SH3RF3: variants seen among roughly 807,000 people sequenced by gnomAD.
SH3RF3 encodes E3 ubiquitin-protein ligase SH3RF3.
A neutral mutation model predicts 66.3 loss-of-function variants in SH3RF3; 29 were observed. The ratio of observed to expected loss-of-function variants is 0.44; its 90% CI spans 0.33 to 0.60. The LOEUF is 0.60. Among genes scored for constraint, SH3RF3 ranks in the 20% least tolerant of loss-of-function variants. The pLI, the probability that SH3RF3 is intolerant of heterozygous loss-of-function variation, is 0.04. For synonymous variants in SH3RF3, 583 were observed against 532.0 expected, an observed-to-expected ratio of 1.10 and a Z score of -1.32; for missense variants, 1,194 against 1,190.9, an observed-to-expected ratio of 1.00 and a Z score of -0.04.
chr2:109,242,618 C>T (rs572012751), intron 1 of SH3RF3, among the ~76,000 whole-genome samples: 2 of 152,238 alleles, frequency 1.3e-5, no homozygotes, highest in Non-Finnish European at 2.9e-5. Context: ...TTGACTTTTC[C>T]TTACTGGGCT....
chr2:109,346,755 C>A (rs1008673919), intron 1 of SH3RF3, among the ~76,000 whole-genome samples: 1 of 152,156 alleles, frequency 6.6e-6, no homozygotes, highest in Non-Finnish European at 1.5e-5. Flanking sequence ...GATTTCAGAG[C>A]TAGTCACGGT....
At chr2:109,396,895 C>A (rs1043192497) in intron 3 of SH3RF3, among the ~76,000 whole-genome samples, 2 of 152,268 alleles carry the variant, frequency 1.3e-5, no homozygotes, top group Admixed American at 6.5e-5. Context: ...TTCCCACCTT[C>A]GTGGATCTCA....
intron 2 of SH3RF3, among the ~76,000 whole-genome samples, chr2:109,368,124 T>C (rs1382749982): frequency 6.6e-6 from 1 of 152,276 alleles, no homozygotes; most frequent in Non-Finnish European, 1.5e-5. Flanking sequence ...ATTTTTGGCC[T>C]TGGCCTATTT....
chr2:109,334,941 T>C (rs1440031620), intron 1 of SH3RF3, among the ~76,000 whole-genome samples: 1 of 152,242 alleles, frequency 6.6e-6, no homozygotes, highest in East Asian at 1.9e-4. Context: ...AAGGTTCTGC[T>C]TTTAACTCTT....
chr2:109,371,838 C>G (rs912505336), intron 3 of SH3RF3, among the ~76,000 whole-genome samples, 157 bp downstream of exon 3: 6 of 152,190 alleles, frequency 3.9e-5, no homozygotes, highest in Admixed American at 3.9e-4. Flanking sequence ...GGCTTTGATT[C>G]ACCTCATGGG....
At chr2:109,250,544 G>T (rs181320814) in intron 1 of SH3RF3, among the ~76,000 whole-genome samples, 3 of 151,620 alleles carry the variant, frequency 2.0e-5, no homozygotes, top group Non-Finnish European at 4.4e-5. Context: ...GAATTTGACC[G>T]TTTTTCTTTT....
intron 1 of SH3RF3, among the ~76,000 whole-genome samples, chr2:109,255,170 C>A (rs1558984798): frequency 1.3e-5 from 2 of 152,056 alleles, no homozygotes; most frequent in African/African-American, 4.8e-5. Flanking sequence ...GCAACTCTTG[C>A]TTTGTGTGTG....
At chr2:109,371,785 G>C (rs558540554) in intron 3 of SH3RF3, 104 bp downstream of exon 3, 2 of 953,496 alleles carry the variant, frequency 2.1e-6, no homozygotes, top group East Asian at 5.2e-5. Flanking sequence ...GAGAGAAAGA[G>C]GATCCTCCAC....
At chr2:109,367,286 T>A (rs1683170737) in intron 2 of SH3RF3, among the ~76,000 whole-genome samples, 1 of 150,624 alleles carries the variant, frequency 6.6e-6, no homozygotes, top group Non-Finnish European at 1.5e-5. Flanking sequence ...TTTTTACTTT[T>A]TATTTTTATT....
chr2:109,377,811 G>A (rs1340704846), intron 3 of SH3RF3, among the ~76,000 whole-genome samples: 3 of 152,074 alleles, frequency 2.0e-5, no homozygotes, highest in Non-Finnish European at 2.9e-5. Flanking sequence ...CTGTAGCACC[G>A]GTGCCTCCTT....
intron 3 of SH3RF3, among the ~76,000 whole-genome samples, chr2:109,393,423 T>A (rs1383467761): frequency 5.9e-5 from 9 of 152,180 alleles, no homozygotes; most frequent in Admixed American, 3.3e-4. Flanking sequence ...AGCCCACACC[T>A]ATTGAGCCGG....
chr2:109,221,320 C>T (rs1345690799), intron 1 of SH3RF3, among the ~76,000 whole-genome samples: 5 of 140,556 alleles, frequency 3.6e-5, no homozygotes, highest in African/African-American at 5.0e-5. Context: ...AGGTGACTCA[C>T]GGCTGTAATC....
intron 1 of SH3RF3, among the ~76,000 whole-genome samples, chr2:109,234,734 G>A (rs115935846): frequency 0.015 from 2,270 of 152,302 alleles, 54 homozygotes; most frequent in African/African-American, 0.05. Context: ...GGAGTCTTCT[G>A]TGTGGGAGCA....
chr2:109,210,245 GAAT>G (rs1678941768), intron 1 of SH3RF3, among the ~76,000 whole-genome samples: 1 of 152,234 alleles, frequency 6.6e-6, no homozygotes, highest in African/African-American at 2.4e-5. Context: ...TGGCTGTTGG[GAAT>G]AATGTCACTA....
chr2:109,352,606 G>T (rs747348978), intron 2 of SH3RF3, among the ~76,000 whole-genome samples: 3 of 152,212 alleles, frequency 2.0e-5, no homozygotes, highest in African/African-American at 7.2e-5. Flanking sequence ...GCTCCACGTC[G>T]TTCTCTCCCT....
At chr2:109,249,438 G>A (rs1459968366) in intron 1 of SH3RF3, among the ~76,000 whole-genome samples, 1 of 151,208 alleles carries the variant, frequency 6.6e-6, no homozygotes, top group Non-Finnish European at 1.5e-5. Flanking sequence ...CTTCCCTCCT[G>A]CACCAGATCT....
chr2:109,139,827 G>A (rs966144697), intron 1 of SH3RF3, among the ~76,000 whole-genome samples: 5 of 152,220 alleles, frequency 3.3e-5, no homozygotes, highest in African/African-American at 1.2e-4. Flanking sequence ...CTTTGCCAAA[G>A]ACCAATGTGT....
chr2:109,129,704 T>C lies in SH3RF3; in HGVS notation c.164T>C (p.Leu55Pro), dbSNP rs1558915189. 6.5e-7 allele frequency: 1 copy of C among 1,535,246 alleles called. No homozygotes were observed. Among genetic ancestry groups the C allele is most frequent in the East Asian group, 2.5e-5 (1 of 40,342 alleles). The change falls in exon 1 of 10, where the codon CTG becomes CCG. Residue 55 changes from leucine to proline, a missense_variant. Transcript: ENST00000309415. ...GACGAGTCGTCGCTGCTGGACCTGC[T>C]GGAGTGCTCCGTGTGTCTGGAGCGC... ...DMDESSLLDL[L>P]ECSVCLERLD...
intron 3 of SH3RF3, among the ~76,000 whole-genome samples, chr2:109,389,837 C>A (rs1385095666): frequency 6.6e-6 from 1 of 152,002 alleles, no homozygotes; most frequent in African/African-American, 2.4e-5. Flanking sequence ...GGTGCACTGT[C>A]AGAGAACAGG....
Sources: allele counts gnomAD v4.1 joint callset (sites outside exome capture counted in the v4.1 genomes callset), GRCh38; gene constraint gnomAD v4.1.1; transcripts MANE v1.5; gene names NCBI Gene and HGNC (gene_info 2026-07-23, HGNC 2026-07-21).